Variants in NF1 observed in about 807,000 individuals in gnomAD.
NF1 encodes neurofibromin.
NF1 carries 122 observed loss-of-function variants against 325.7 expected under a neutral mutation model. The observed-to-expected ratio is 0.37, with a 90% CI of 0.32 to 0.44. The LOEUF is 0.44. NF1 is among the 20% of genes least tolerant of loss of function. NF1 has a pLI of 1.00. For synonymous variants in NF1, 1,091 were observed against 1,186.0 expected, an observed-to-expected ratio of 0.92 and a Z score of 1.65; for missense variants, 2,140 against 3,415.4, an observed-to-expected ratio of 0.63 and a Z score of 9.31.
intron 8 of NF1, among the ~76,000 whole-genome samples, chr17:31,193,509 A>G (rs1276637180): frequency 6.6e-6 from 1 of 152,190 alleles, no homozygotes; most frequent in African/African-American, 2.4e-5. Flanking sequence ...ATTGTCAAGC[A>G]TTTAAGTTAC....
intron 1 of NF1, among the ~76,000 whole-genome samples, chr17:31,100,743 A>G (rs1474210523): frequency 6.6e-6 from 1 of 151,892 alleles, no homozygotes; most frequent in Non-Finnish European, 1.5e-5. Context: ...CTAATTTTGT[A>G]TTTTTAGTAG....
intron 48 of NF1, among the ~76,000 whole-genome samples, chr17:31,347,349 A>T (rs1483716075): frequency 1.3e-5 from 2 of 151,946 alleles, no homozygotes; most frequent in African/African-American, 4.8e-5. Flanking sequence ...CTGTGCCTGG[A>T]CTGAGTATAA....
intron 36 of NF1, among the ~76,000 whole-genome samples, chr17:31,286,676 C>G (rs2068233622): frequency 6.6e-6 from 1 of 152,044 alleles, no homozygotes; most frequent in African/African-American, 2.4e-5. Flanking sequence ...TATTTAATGT[C>G]TAAATAATAT....
intron 1 of NF1, among the ~76,000 whole-genome samples, chr17:31,108,767 G>A (rs1425073918): frequency 6.6e-6 from 1 of 152,032 alleles, no homozygotes; most frequent in African/African-American, 2.4e-5. Flanking sequence ...AACTCAATTA[G>A]GAATCAGAAG....
At chr17:31,196,967 TCTC>T (rs1316363590) in intron 8 of NF1, among the ~76,000 whole-genome samples, 1 of 152,222 alleles carries the variant, frequency 6.6e-6, no homozygotes, top group East Asian at 1.9e-4. Context: ...AAGTGTGAGT[TCTC>T]CAACTTTATT....
chr17:31,252,805 G>A (rs2067518614), intron 30 of NF1, 133 bp from the exon 31 acceptor site: 2 of 719,350 alleles, frequency 2.8e-6, no homozygotes, highest in Admixed American at 5.2e-5. Context: ...TCAAAATTCA[G>A]TTGATTTCTA....
intron 4 of NF1, among the ~76,000 whole-genome samples, chr17:31,165,797 C>T (rs2065836171): frequency 6.6e-6 from 1 of 152,112 alleles, no homozygotes; most frequent in Non-Finnish European, 1.5e-5. Context: ...TCAAGAGATC[C>T]TCCCACCTCA....
At chr17:31,228,980 T>TA in intron 20 of NF1, 45 bp from the exon 21 acceptor site, 1 of 1,469,864 alleles carries the variant, frequency 6.8e-7, no homozygotes, top group Non-Finnish European at 9.3e-7. Context: ...AAGTCTCAAC[T>TA]AATTAAGGTT....
chr17:31,128,926 C>CAA (rs35947890), intron 1 of NF1, among the ~76,000 whole-genome samples: 139 of 140,458 alleles, frequency 9.9e-4, no homozygotes, highest in East Asian at 5.5e-3. Context: ...GACTCCGTCT[C>CAA]AAAAAAAAAA....
intron 8 of NF1, among the ~76,000 whole-genome samples, chr17:31,189,874 G>C (rs2066310473): frequency 6.8e-6 from 1 of 147,816 alleles, no homozygotes; most frequent in Non-Finnish European, 1.5e-5. Context: ...CGATTCTCCT[G>C]CCTCAGCCTC....
Position 31,376,219 on chromosome 17 carries a change from T to TGTTC in NF1, c.*2064_*2065insGTTC, listed in dbSNP as rs2070729037. On this transcript the variant is annotated 3_prime_UTR_variant, in exon 58 of 58. Coordinates refer to ENST00000358273, the MANE Select transcript of NF1 (RefSeq NM_001042492.3). ...CAGGCAGTGTAAGCCTTTGATAACT[T>TGTTC]TAGTTCGATGTTTTTCTTGTTTTTG... 1 of 232,920 alleles carries TGTTC rather than the reference T, an allele frequency of 4.3e-6. No homozygotes were observed. The highest frequency in any genetic ancestry group is 8.5e-6 in the Non-Finnish European group (1 of 117,936). 14.4% of individuals were successfully genotyped at this position (232,920 alleles called of 1,614,324 possible).
intron 8 of NF1, among the ~76,000 whole-genome samples, chr17:31,189,540 G>C (rs1274719192): frequency 6.6e-6 from 1 of 151,870 alleles, no homozygotes; most frequent in African/African-American, 2.4e-5. Context: ...TGTTCCTCTC[G>C]CCTCACTCGC....
intron 36 of NF1, among the ~76,000 whole-genome samples, chr17:31,281,574 T>A (rs1414448876): frequency 6.6e-6 from 1 of 152,210 alleles, no homozygotes; most frequent in East Asian, 1.9e-4. Context: ...CATTGCCCCC[T>A]TTGCCATGCC....
chr17:31,218,002 G>A (rs2066852273), intron 13 of NF1, among the ~76,000 whole-genome samples: 1 of 151,230 alleles, frequency 6.6e-6, no homozygotes, highest in South Asian at 2.1e-4. Context: ...TCTTTGCTTA[G>A]TACACTATAT....
rs569444722 is a variant in NF1 at position 31,144,978 on chromosome 17, T to C, written c.61-11005T>C. ...GTCAAATTCAAAATAAATTCAGAGT[T>C]CTTAAAATGGCCTATAAGGCTTTTC... On this transcript the variant is annotated intron_variant, in intron 1 of 57. Coordinates refer to ENST00000358273, the MANE Select transcript of NF1 (RefSeq NM_001042492.3). 3.9e-5 allele frequency among the ~76,000 whole-genome samples: 6 copies of C among 152,270 alleles called. No homozygotes were observed. The South Asian group carries it at 1.2e-3, about 32-fold the overall frequency.
At chr17:31,338,826 G>T (rs1269152528) in intron 46 of NF1, 21 bp downstream of exon 46, 2 of 1,466,462 alleles carry the variant, frequency 1.4e-6, no homozygotes, top group South Asian at 2.3e-5. Flanking sequence ...TATAGAAAAT[G>T]AGTGCATTCA....
At chr17:31,104,672 A>G (rs1293525430) in intron 1 of NF1, among the ~76,000 whole-genome samples, 2 of 152,186 alleles carry the variant, frequency 1.3e-5, no homozygotes, top group African/African-American at 4.8e-5. Context: ...AGTGACTGTG[A>G]ATTAAGTTTA....
intron 36 of NF1, among the ~76,000 whole-genome samples, chr17:31,316,337 T>A (rs1382934245): frequency 6.6e-6 from 1 of 152,176 alleles, no homozygotes; most frequent in Non-Finnish European, 1.5e-5. Flanking sequence ...AAGGAAACAC[T>A]TCTGTTTGTT....
chr17:31,304,291 A>G (rs755690113), intron 36 of NF1: 7 of 1,612,360 alleles, frequency 4.3e-6, no homozygotes, highest in Non-Finnish European at 5.1e-6. Context: ...TGGAGGTGGC[A>G]GGGATTCATT....
Sources: gnomAD v4.1 joint callset for allele counts (sites outside exome capture counted in the v4.1 genomes callset) on GRCh38, gnomAD v4.1.1 for gene constraint, MANE v1.5 for transcripts, NCBI Gene and HGNC (gene_info 2026-07-23, HGNC 2026-07-21) for gene names.